MTAP: variants seen among roughly 807,000 people sequenced by gnomAD.
The protein encoded by MTAP is S-methyl-5'-thioadenosine phosphorylase.
In MTAP, 33 loss-of-function variants were observed where a neutral mutation model predicts 33.6. The ratio of observed to expected loss-of-function variants is 0.98; its 90% CI spans 0.74 to 1.31. MTAP has a LOEUF of 1.31. Among genes scored for constraint, MTAP ranks in the 40% most tolerant of loss-of-function variants. The probability of loss-of-function intolerance (pLI) is 0.00; values close to 1 mark genes in which losing one functional copy is unlikely to be tolerated. For missense variants in MTAP, 367 were observed against 360.0 expected (o/e 1.02, Z -0.16); for synonymous variants, 148 against 125.7 (o/e 1.18, Z -1.19).
chr9:21,807,569 G>C (rs573146084), intron 1 of MTAP, among the ~76,000 whole-genome samples: 13 of 152,262 alleles, frequency 8.5e-5, no homozygotes, highest in Admixed American at 8.5e-4. Context: ...AATGCCAGTA[G>C]CACTCCCCCT....
At chr9:21,831,598 G>A (rs1400694874) in intron 4 of MTAP, among the ~76,000 whole-genome samples, 1 of 152,112 alleles carries the variant, frequency 6.6e-6, no homozygotes, top group Non-Finnish European at 1.5e-5. Context: ...AAAGTGCTGG[G>A]ATTATAGGCA....
At chr9:21,878,521 C>A (rs1049303238) in intron 1 of MTAP, among the ~76,000 whole-genome samples, 1 of 151,998 alleles carries the variant, frequency 6.6e-6, no homozygotes, top group African/African-American at 2.4e-5. Context: ...GGTTATGAGA[C>A]TGGCTAATTT....
chr9:21,915,005 TTCCTTCC>T lies in MTAP; in HGVS notation c.148-16001_148-15995del, dbSNP rs1563869288. ...CATATCAATACTTTGTTTTCTTTCC[TTCCTTCC>T]TTCCTTCCTTCCTTCCTTCCTTCCT... On this transcript the variant is annotated intron_variant, in intron 1 of 1. Transcript: ENST00000577563. Among the ~76,000 whole-genome samples, 14 of 12,436 alleles carry T rather than the reference TTCCTTCC, an allele frequency of 1.1e-3. 1 individual carries two copies. The highest frequency in any genetic ancestry group is 4.7e-3 in the African/African-American group (14 of 2,966). 8.2% of individuals were successfully genotyped at this position (12,436 alleles called of 152,430 possible). A position where few individuals can be genotyped will look rare whatever the true frequency, so the allele number is the denominator to read the frequency against.
Position 21,827,045 on chromosome 9 carries a change from G to T in MTAP, c.347+8843G>T, listed in dbSNP as rs1331525819. ...GAAACCATCCCCTCTGACCCTCTCT[G>T]TGGAAAAATTATCTTCCATGAAATC... On this transcript the variant is annotated intron_variant, in intron 4 of 7. Coordinates refer to ENST00000644715, the MANE Select transcript of MTAP (RefSeq NM_002451.4). Among the ~76,000 whole-genome samples the T allele has an allele frequency of 3.9e-5, 6 of 152,264 alleles. No homozygotes were observed. In the East Asian group the frequency reaches 1.2e-3, roughly 29 times the overall value.
chr9:21,824,925 G>A (rs1824749335), intron 4 of MTAP, among the ~76,000 whole-genome samples: 1 of 152,058 alleles, frequency 6.6e-6, no homozygotes, highest in Non-Finnish European at 1.5e-5. Flanking sequence ...ATCTCCTGGT[G>A]TGCCGTTTGC....
chr9:21,864,861 A>C lies in MTAP; in HGVS notation c.*2847A>C. 4 of 985,412 alleles carry C rather than the reference A, an allele frequency of 4.1e-6. No homozygotes were observed. The highest frequency in any genetic ancestry group is 4.8e-6 in the Non-Finnish European group (4 of 829,920). 61.0% of individuals were successfully genotyped at this position (985,412 alleles called of 1,614,324 possible). A position where few individuals can be genotyped will look rare whatever the true frequency, so the allele number is the denominator to read the frequency against. ...TCCTGGAGCCTCTTCTCTGGCTGCT[A>C]CCTCAGGGCATGGTTGTGGCCCCAC... On this transcript the variant is annotated 3_prime_UTR_variant, in exon 8 of 8. Transcript: ENST00000644715.
intron 4 of MTAP, among the ~76,000 whole-genome samples, chr9:21,827,342 G>T (rs1449917720): frequency 6.6e-6 from 1 of 152,154 alleles, no homozygotes; most frequent in Non-Finnish European, 1.5e-5. Flanking sequence ...TAGAGCTTCT[G>T]CTATGGGAGA....
chr9:21,861,553 C>T (rs4129861), intron 7 of MTAP: 3,467 of 162,588 alleles, frequency 0.021, 88 homozygotes, highest in African/African-American at 0.057. Context: ...ACCTGCTATA[C>T]GTCAAGGTCT....
chr9:21,862,178 C>A lies in MTAP; in HGVS notation c.*164C>A. On this transcript the variant is annotated 3_prime_UTR_variant, in exon 8 of 8. Coordinates refer to ENST00000644715, the MANE Select transcript of MTAP (RefSeq NM_002451.4). ...CAAGACATTGTGTGTATTAGAGACT[C>A]CTGAATGATTTAGACAACTTCAAAA... The A allele has an allele frequency of 2.1e-6, 3 of 1,407,590 alleles. No homozygotes were observed. Among genetic ancestry groups the A allele is most frequent in the East Asian group, 2.6e-5 (1 of 38,052 alleles). The allele number at this position is 1,407,590 out of a possible 1,614,324, so 87.2% of individuals were successfully genotyped here.
intron 1 of MTAP, among the ~76,000 whole-genome samples, chr9:21,887,104 A>G (rs1049310159): frequency 3.3e-5 from 5 of 151,898 alleles, no homozygotes; most frequent in Admixed American, 2.6e-4. Context: ...TGTGTGATCT[A>G]TGATTTCTTT....
intron 1 of MTAP, among the ~76,000 whole-genome samples, chr9:21,917,104 A>T (rs914537651): frequency 6.6e-6 from 1 of 152,238 alleles, no homozygotes; most frequent in African/African-American, 2.4e-5. Context: ...AATCTAAACT[A>T]TTGGAAAGAT....
intron 4 of MTAP, among the ~76,000 whole-genome samples, chr9:21,820,008 C>A (rs777783661): frequency 1.3e-4 from 19 of 151,794 alleles, no homozygotes; most frequent in Non-Finnish European, 2.4e-4. Context: ...TTTCTTGTAA[C>A]TTTGTTTGAG....
At chr9:21,867,992 G>T (rs75880967), downstream of MTAP, among the ~76,000 whole-genome samples, 1 of 152,042 alleles carries the variant, frequency 6.6e-6, no homozygotes, top group African/African-American at 2.4e-5. Context: ...CATGACAAAA[G>T]GGGAAATCAA....
intron 1 of MTAP, among the ~76,000 whole-genome samples, chr9:21,879,508 T>C (rs1278604011): frequency 1.3e-5 from 2 of 152,152 alleles, no homozygotes; most frequent in African/African-American, 4.8e-5. Flanking sequence ...TTTATCCAGC[T>C]TGCCACTCTG....
chr9:21,930,543 T>A, intron 1 of MTAP: 1 of 295,090 alleles, frequency 3.4e-6, no homozygotes, highest in Non-Finnish European at 6.2e-6. Context: ...GGCCTCAGCA[T>A]TATAGCTGGT....
chr9:21,828,372 C>G (rs896301860), intron 4 of MTAP, among the ~76,000 whole-genome samples: 2 of 152,150 alleles, frequency 1.3e-5, no homozygotes, highest in African/African-American at 4.8e-5. Context: ...AGGAAAGAAT[C>G]TGTTAAAAGA....
downstream of MTAP, chr9:21,936,096 T>C (rs1013546998): frequency 6.6e-6 from 1 of 152,246 alleles, no homozygotes; most frequent in African/African-American, 2.4e-5. Flanking sequence ...CTTGTGCTGA[T>C]CTAAAGATCA....
chr9:21,848,120 G>T (rs1052705110), intron 5 of MTAP, among the ~76,000 whole-genome samples: 1 of 152,110 alleles, frequency 6.6e-6, no homozygotes, highest in Admixed American at 6.5e-5. Flanking sequence ...AACCCTGTGC[G>T]GCCTGAGGCA....
chr9:21,860,280 A>G (rs1356694653), intron 7 of MTAP: 2 of 152,202 alleles, frequency 1.3e-5, no homozygotes, highest in Admixed American at 6.5e-5. Flanking sequence ...TTGCTAATTT[A>G]CGTGGTACAA....
Sources: allele counts gnomAD v4.1 joint callset (sites outside exome capture counted in the v4.1 genomes callset), GRCh38; gene constraint gnomAD v4.1.1; transcripts MANE v1.5; gene names NCBI Gene and HGNC (gene_info 2026-07-23, HGNC 2026-07-21).